Variants in OSBPL8 observed in about 807,000 individuals in gnomAD.
The protein encoded by OSBPL8 is oxysterol-binding protein-related protein 8.
A neutral mutation model predicts 125.5 loss-of-function variants in OSBPL8; 59 were observed. That is an observed-to-expected ratio of 0.47 (90% CI 0.38 to 0.58). OSBPL8 has a LOEUF of 0.58. OSBPL8 is among the 20% of genes least tolerant of loss of function. The pLI, the probability that OSBPL8 is intolerant of heterozygous loss-of-function variation, is 0.00. For synonymous variants in OSBPL8, 330 were observed against 338.9 expected (o/e 0.97, Z 0.29); for missense variants, 758 against 1,047.8 (o/e 0.72, Z 3.82).
chr12:76,508,520 A>ACTGGG (rs1880655029), intron 1 of OSBPL8, among the ~76,000 whole-genome samples: 1 of 152,192 alleles, frequency 6.6e-6, no homozygotes, highest in Admixed American at 6.5e-5. Context: ...GCTGAGGCCT[A>ACTGGG]CTGGGCTGCA....
At chr12:76,359,393 G>C (rs10047557) in intron 21 of OSBPL8, among the ~76,000 whole-genome samples, 120,621 of 152,162 alleles carry the variant, frequency 0.79, 48,063 homozygotes, top group East Asian at 0.92. Context: ...TTACTGAAAG[G>C]ATTGAAGTGG....
intron 1 of OSBPL8, among the ~76,000 whole-genome samples, chr12:76,512,064 A>T (rs977465056): frequency 6.6e-6 from 1 of 152,198 alleles, no homozygotes; most frequent in Admixed American, 6.5e-5. Flanking sequence ...ATATTATTAC[A>T]TCACCCAGGT....
chr12:76,369,136 A>G, intron 21 of OSBPL8, 78 bp downstream of exon 21: 1 of 1,413,758 alleles, frequency 7.1e-7, no homozygotes, highest in Non-Finnish European at 9.1e-7. Context: ...TTTTGAAACC[A>G]AATTTTAGTT....
At chr12:76,384,106 G>T in intron 15 of OSBPL8, 148 bp downstream of exon 15, 1 of 431,372 alleles carries the variant, frequency 2.3e-6, no homozygotes, top group Non-Finnish European at 4.2e-6. Flanking sequence ...ATTTATGAGT[G>T]GGCAGAAAAA....
intron 3 of OSBPL8, among the ~76,000 whole-genome samples, chr12:76,456,003 G>A (rs907024934): frequency 3.3e-5 from 5 of 152,148 alleles, no homozygotes; most frequent in African/African-American, 1.2e-4. Context: ...CTCATCTTTA[G>A]TAGAAATCAC....
intron 15 of OSBPL8, among the ~76,000 whole-genome samples, chr12:76,383,202 T>C (rs1953136326): frequency 1.3e-5 from 2 of 152,046 alleles, no homozygotes; most frequent in South Asian, 4.2e-4. Context: ...GAAAGTGAGC[T>C]ATGCACCTCG....
intron 21 of OSBPL8, among the ~76,000 whole-genome samples, chr12:76,360,395 C>T (rs1251091109): frequency 1.3e-5 from 2 of 152,346 alleles, no homozygotes; most frequent in East Asian, 3.9e-4. Flanking sequence ...GGCAGCTCCA[C>T]CCTTGTGGCT....
At position 76,450,969 on chromosome 12, in the gene OSBPL8, G is replaced by A. The variant is rs202014462; in HGVS notation, c.99C>T (p.Asp33=). The change falls in exon 4 of 24, where the codon GAC becomes GAT. Residue 33 remains aspartate (D), a synonymous_variant. Coordinates refer to ENST00000261183, the MANE Select transcript of OSBPL8 (RefSeq NM_020841.5). ...TTCCTGGTGTCAGAAGCTGAGATTC[G>A]TCACTGTTTGCTACAACAGCTCAAG... ...LGPSTVVANS[D]ESQLLTPGKM... The A allele has an allele frequency of 8.7e-5, 141 of 1,613,660 alleles. No individual in the cohort carries two copies. The highest frequency in any genetic ancestry group is 1.1e-4 in the Non-Finnish European group (128 of 1,179,814).
At chr12:76,539,743 C>T (rs534519229) in intron 1 of OSBPL8, among the ~76,000 whole-genome samples, 1 of 152,162 alleles carries the variant, frequency 6.6e-6, no homozygotes, top group Non-Finnish European at 1.5e-5. Context: ...ATACCAATGG[C>T]TACTATCCCT....
intron 4 of OSBPL8, among the ~76,000 whole-genome samples, chr12:76,424,766 G>A (rs74103429): frequency 0.019 from 2,817 of 152,120 alleles, 68 homozygotes; most frequent in African/African-American, 0.06. Context: ...GGTTAAAATG[G>A]CAAAATGAAG....
intron 4 of OSBPL8, among the ~76,000 whole-genome samples, chr12:76,446,226 A>G (rs980739463): frequency 6.6e-6 from 1 of 152,176 alleles, no homozygotes; most frequent in African/African-American, 2.4e-5. Context: ...TAAAATGCTG[A>G]TCATGAGTAC....
At chr12:76,379,515 T>C (rs1952956709) in intron 15 of OSBPL8, among the ~76,000 whole-genome samples, 1 of 152,186 alleles carries the variant, frequency 6.6e-6, no homozygotes, top group African/African-American at 2.4e-5. Context: ...AGTTCCTCCT[T>C]GCCCCTGAGC....
intron 1 of OSBPL8, among the ~76,000 whole-genome samples, chr12:76,508,625 A>G (rs773436633): frequency 6.6e-6 from 1 of 152,246 alleles, no homozygotes; most frequent in Non-Finnish European, 1.5e-5. Flanking sequence ...ACAGGTTGTG[A>G]TAAAAGAAGC....
intron 4 of OSBPL8, among the ~76,000 whole-genome samples, chr12:76,436,204 T>C (rs1871424459): frequency 6.6e-6 from 1 of 152,146 alleles, no homozygotes; most frequent in African/African-American, 2.4e-5. Context: ...AGAGACTCTA[T>C]CCAACCTTAT....
intron 1 of OSBPL8, among the ~76,000 whole-genome samples, chr12:76,551,216 A>G (rs1950927044): frequency 6.6e-6 from 1 of 152,230 alleles, no homozygotes; most frequent in South Asian, 2.1e-4. Flanking sequence ...TAAAAGGGGA[A>G]AAAGTTCTTT....
In OSBPL8 at chr12:76,354,074, G is replaced by C. The variant is rs898874243; in HGVS notation, c.*1815C>G. 2.9e-4 allele frequency: 44 copies of C among 152,160 alleles called. No homozygotes were observed. Among genetic ancestry groups the C allele is most frequent in the Non-Finnish European group, 7.4e-5 (5 of 67,746 alleles). The allele number at this position is 152,160 out of a possible 1,614,324, so 9.4% of individuals were successfully genotyped here. A position where few individuals can be genotyped will look rare whatever the true frequency, so the allele number is the denominator to read the frequency against. On this transcript the variant is annotated 3_prime_UTR_variant, in exon 24 of 24. Transcript: ENST00000261183. ...ATTAACTAATTTAAACCATAAAAAA[G>C]ATCAAATTGTACAATATTTACAGAA... is the stretch of plus-strand genomic sequence containing the variant.
chr12:76,413,647 G>A (rs980180832), intron 4 of OSBPL8, among the ~76,000 whole-genome samples: 2 of 152,110 alleles, frequency 1.3e-5, no homozygotes, highest in Non-Finnish European at 2.9e-5. Flanking sequence ...TTGGCAGTCT[G>A]GTGGATGCAC....
chr12:76,362,175 T>C (rs1327122843), intron 21 of OSBPL8, among the ~76,000 whole-genome samples: 2 of 152,052 alleles, frequency 1.3e-5, no homozygotes, highest in Non-Finnish European at 2.9e-5. Context: ...TAGGTTCAAA[T>C]TGGAGACTGA....
At chr12:76,359,003 A>C (rs946152288) in intron 21 of OSBPL8, among the ~76,000 whole-genome samples, 192 bp from the exon 22 acceptor site, 3 of 152,234 alleles carry the variant, frequency 2.0e-5, no homozygotes, top group Non-Finnish European at 4.4e-5. Context: ...AATAGGAAGT[A>C]CTTTGGCACA....
Sources: gnomAD v4.1 joint callset for allele counts (sites outside exome capture counted in the v4.1 genomes callset) on GRCh38, gnomAD v4.1.1 for gene constraint, MANE v1.5 for transcripts, NCBI Gene and HGNC (gene_info 2026-07-23, HGNC 2026-07-21) for gene names.